Variants in PPARD observed in about 807,000 individuals in gnomAD.
PPARD encodes peroxisome proliferator-activated receptor delta.
Under a neutral mutation model 39.5 loss-of-function variants are expected in PPARD, and 6 were observed. The observed-to-expected ratio is 0.15, with a 90% CI of 0.08 to 0.30. The LOEUF (loss-of-function observed/expected upper bound fraction) is 0.30. Among genes scored for constraint, PPARD ranks in the 10% least tolerant of loss-of-function variants. The probability of loss-of-function intolerance (pLI) is 1.00; values close to 1 mark genes in which losing one functional copy is unlikely to be tolerated. For synonymous variants in PPARD, 210 were observed against 231.3 expected (o/e 0.91, Z 0.83); for missense variants, 397 against 596.8 (o/e 0.67, Z 3.49).
intron 2 of PPARD, among the ~76,000 whole-genome samples, chr6:35,351,715 A>G (rs1761262916): frequency 6.6e-6 from 1 of 152,018 alleles, no homozygotes; most frequent in Non-Finnish European, 1.5e-5. Flanking sequence ...TACCATGCCC[A>G]GCTCATTTTA....
intron 3 of PPARD, among the ~76,000 whole-genome samples, chr6:35,414,265 A>G (rs1009922381): frequency 1.3e-5 from 2 of 152,136 alleles, no homozygotes; most frequent in East Asian, 3.9e-4. Flanking sequence ...CTTATGTTTC[A>G]TAGAAGGCAC....
chr6:35,415,221 A>G (rs1765676437), intron 3 of PPARD, among the ~76,000 whole-genome samples: 1 of 152,224 alleles, frequency 6.6e-6, no homozygotes, highest in Non-Finnish European at 1.5e-5. Context: ...TGCCTGTCCC[A>G]AGGAGCCCAC....
Position 35,424,455 on chromosome 6 carries a change from A to G in PPARD, c.754A>G (p.Thr252Ala). 1 of 1,614,216 alleles carries G rather than the reference A, an allele frequency of 6.2e-7. No homozygotes were observed. The highest frequency in any genetic ancestry group is 8.5e-7 in the Non-Finnish European group (1 of 1,180,028). The change falls in exon 7 of 8, where the codon ACC (threonine) becomes GCC (alanine). Residue 252 changes from threonine to alanine, a missense_variant. By Grantham distance (58) the Thr-to-Ala change is moderately conservative. Coordinates refer to ENST00000360694, the MANE Select transcript of PPARD (RefSeq NM_006238.5). This position sits in a 1 kb window ranked among gnomAD's most constrained non-coding sequence, Gnocchi z 7.1. ...GCACGTCTTCTACCGCTGCCAGTGC[A>G]CCACAGTGGAGACCGTGCGGGAGCT... ...SVHVFYRCQC[T>A]TVETVRELTE...
chr6:35,377,561 C>A (rs186049738), intron 2 of PPARD, among the ~76,000 whole-genome samples: 4 of 152,282 alleles, frequency 2.6e-5, no homozygotes, highest in Admixed American at 2.0e-4. Flanking sequence ...TGGCTTGGAA[C>A]CTGTCTTTTC....
Position 35,364,723 on chromosome 6 carries a change from T to G in PPARD, c.-102+17573T>G, listed in dbSNP as rs545367918. Among the ~76,000 whole-genome samples, 46 of 146,834 alleles carry G rather than the reference T, an allele frequency of 3.1e-4. No individual in the cohort carries two copies. In the South Asian group the frequency reaches 7.3e-3, roughly 23 times the overall value. On this transcript the variant is annotated intron_variant, in intron 2 of 7. Transcript: ENST00000360694. ...CAAGTGTTACTCTTTGTTTTTTGTTTGTTTTTTTTTTTGAGACGGGGTCTC... is the reference window on the plus strand; with the variant it reads ...CAAGTGTTACTCTTTGTTTTTTGTTGGTTTTTTTTTTTGAGACGGGGTCTC...
intron 2 of PPARD, chr6:35,348,813 T>C: frequency 1.0e-6 from 1 of 985,386 alleles, no homozygotes; most frequent in Non-Finnish European, 1.2e-6. Context: ...AGGGGGGAGT[T>C]TCAGAGACTT....
intron 2 of PPARD, among the ~76,000 whole-genome samples, chr6:35,367,175 G>C (rs1306551982): frequency 6.6e-6 from 1 of 152,216 alleles, no homozygotes; most frequent in Non-Finnish European, 1.5e-5. Flanking sequence ...ACAGGAAGAA[G>C]AGAGGCCGGA....
intron 2 of PPARD, among the ~76,000 whole-genome samples, chr6:35,397,172 G>A (rs1764381720): frequency 6.6e-6 from 1 of 151,936 alleles, no homozygotes; most frequent in Non-Finnish European, 1.5e-5. Flanking sequence ...GGATTTGTCA[G>A]CACCTCCCCA....
intron 1 of PPARD, among the ~76,000 whole-genome samples, chr6:35,345,426 C>T (rs991270871): frequency 2.6e-5 from 4 of 152,072 alleles, no homozygotes; most frequent in African/African-American, 9.7e-5. Flanking sequence ...GCGGGGACTA[C>T]AGGTGCACAC....
At chr6:35,379,146 C>G (rs768956017) in intron 2 of PPARD, among the ~76,000 whole-genome samples, 138 of 151,102 alleles carry the variant, frequency 9.1e-4, no homozygotes, top group Non-Finnish European at 1.7e-3. Flanking sequence ...TCTTGTTGCC[C>G]AGGCTGGAGT....
Position 35,424,433 on chromosome 6 carries a change from C to T in PPARD, c.732C>T (p.His244=), listed in dbSNP as rs374511678. 1.9e-5 allele frequency: 30 copies of T among 1,614,066 alleles called. No homozygotes were observed. Among genetic ancestry groups the T allele is most frequent in the Admixed American group, 6.7e-5 (4 of 59,998 alleles). Residue 244 remains histidine, a synonymous_variant, in exon 7 of 8, where the codon CAC becomes CAT. Coordinates refer to ENST00000360694, the MANE Select transcript of PPARD (RefSeq NM_006238.5). This position sits in a 1 kb window ranked among gnomAD's most constrained non-coding sequence, Gnocchi z 7.1. Reference sequence around the variant, plus strand: ...CTCCCTACAAGGAGATCAGCGTGCACGTCTTCTACCGCTGCCAGTGCACCA... The same window carrying T: ...CTCCCTACAAGGAGATCAGCGTGCATGTCTTCTACCGCTGCCAGTGCACCA... ...GLPPYKEISV[H]VFYRCQCTTV... is the part of the protein sequence containing the mutation.
rs1323672763 is a variant in PPARD at position 35,363,123 on chromosome 6, T to TG, written c.-102+15977dup. Reference sequence around the variant, plus strand: ...AGAAAATTGAAGATGGGGTATTTTGTGGGGAACAAGCTATGCCTTCCTGTC... The same window carrying TG: ...AGAAAATTGAAGATGGGGTATTTTGTGGGGGAACAAGCTATGCCTTCCTGTC... On this transcript the variant is annotated intron_variant, in intron 2 of 7. Coordinates refer to ENST00000360694, the MANE Select transcript of PPARD (RefSeq NM_006238.5). This position sits in a 1 kb window ranked among gnomAD's most constrained non-coding sequence, Gnocchi z 4.5. Among the ~76,000 whole-genome samples the TG allele has an allele frequency of 6.6e-6, 1 of 152,130 alleles. No homozygotes were observed. The highest frequency in any genetic ancestry group is 1.5e-5 in the Non-Finnish European group (1 of 68,028).
intron 2 of PPARD, among the ~76,000 whole-genome samples, chr6:35,355,999 C>G (rs1761590189): frequency 6.6e-6 from 1 of 151,898 alleles, no homozygotes. Flanking sequence ...TCTTTCACTC[C>G]TAACTTCTAC....
intron 2 of PPARD, among the ~76,000 whole-genome samples, chr6:35,386,579 A>G (rs908741746): frequency 1.3e-5 from 2 of 152,186 alleles, no homozygotes; most frequent in East Asian, 3.8e-4. Flanking sequence ...AATAACTTCA[A>G]GGAGACTAAC....
Position 35,424,521 on chromosome 6 carries a change from T to C in PPARD, c.820T>C (p.Phe274Leu), listed in dbSNP as rs920309211. Residue 274 changes from phenylalanine (F) to leucine (L), a missense_variant, in exon 7 of 8, where the codon TTC becomes CTC. Phe to Leu is a conservative substitution (Grantham distance 22, BLOSUM62 0). Coordinates refer to ENST00000360694, the MANE Select transcript of PPARD (RefSeq NM_006238.5). This position sits in a 1 kb window ranked among gnomAD's most constrained non-coding sequence, Gnocchi z 7.1. ...AKSIPSFSSLFLNDQVTLLKY... is the reference protein window; with the variant it reads ...AKSIPSFSSLLLNDQVTLLKY... ...GAGCATCCCCAGCTTCAGCAGCCTC[T>C]TCCTCAACGACCAGGTTACCCTTCT... is the stretch of plus-strand genomic sequence containing the variant. The C allele has an allele frequency of 4.3e-6, 7 of 1,614,222 alleles. No homozygotes were observed. The highest frequency in any genetic ancestry group is 5.9e-6 in the Non-Finnish European group (7 of 1,180,036).
chr6:35,390,951 G>T lies in PPARD; in HGVS notation c.-101-20036G>T, dbSNP rs543103442. ...GCAGGAGGATCACTGGAGCCCAGGA[G>T]TTTGTGGCTGCAGTGAGCTATGATA... On this transcript the variant is annotated intron_variant, in intron 2 of 7. Coordinates refer to ENST00000360694, the MANE Select transcript of PPARD (RefSeq NM_006238.5). Among the ~76,000 whole-genome samples the T allele has an allele frequency of 3.4e-4, 52 of 152,310 alleles. No homozygotes were observed. In the South Asian group the frequency reaches 0.011, roughly 32 times the overall value.
intron 1 of PPARD, among the ~76,000 whole-genome samples, chr6:35,343,203 G>T (rs950892352): frequency 6.6e-6 from 1 of 151,848 alleles, no homozygotes; most frequent in Non-Finnish European, 1.5e-5. Flanking sequence ...GCTCTCTCAG[G>T]CTTTACTCTC....
At chr6:35,417,087 C>T (rs1186381610) in intron 3 of PPARD, among the ~76,000 whole-genome samples, 1 of 152,176 alleles carries the variant, frequency 6.6e-6, no homozygotes, top group Non-Finnish European at 1.5e-5. Flanking sequence ...AAGTCATCTT[C>T]CCACATTCAG....
intron 2 of PPARD, among the ~76,000 whole-genome samples, chr6:35,406,711 C>T (rs997314528): frequency 6.6e-6 from 1 of 152,154 alleles, no homozygotes; most frequent in African/African-American, 2.4e-5. Context: ...GAGTCCAGAA[C>T]TGCATCTGAG....
Sources: allele counts gnomAD v4.1 joint callset (sites outside exome capture counted in the v4.1 genomes callset), GRCh38; gene constraint gnomAD v4.1.1; non-coding constraint Gnocchi (gnomAD v3.1); transcripts MANE v1.5; gene names NCBI Gene and HGNC (gene_info 2026-07-23, HGNC 2026-07-21).